The following GPN2 variants were observed in gnomAD, a reference collection of about 807,000 sequenced individuals.
GPN2 encodes ATP-binding domain 1 family member B.
In GPN2, 27 loss-of-function variants were observed where a neutral mutation model predicts 30.1. The observed-to-expected ratio is 0.90, with a 90% CI of 0.66 to 1.24. The LOEUF is 1.24. Among genes scored for constraint, GPN2 ranks in the 50% most tolerant of loss-of-function variants. GPN2 has a pLI of 0.00. For missense variants in GPN2, 406 were observed against 405.4 expected (o/e 1.00, Z -0.01); for synonymous variants, 212 against 174.4 (o/e 1.22, Z -1.70).
chr1:26,887,432 G>A (rs1236566507), intron 2 of GPN2, among the ~76,000 whole-genome samples: 1 of 152,078 alleles, frequency 6.6e-6, no homozygotes, highest in Non-Finnish European at 1.5e-5. Flanking sequence ...CCCTGGACAA[G>A]GTCCCGACAC....
chr1:26,886,135 TA>T lies in GPN2; in HGVS notation c.569-3del. ...CTGTGTAGTAGTCCAGGTTGAAGGC[TA>T]AAGAGAGAAACCAGTGTTCAGGAGC... On this transcript the variant is annotated splice_region_variant and splice_polypyrimidine_tract_variant and intron_variant, in intron 2 of 4. Coordinates refer to ENST00000374135, the MANE Select transcript of GPN2 (RefSeq NM_018066.4). 6.2e-7 allele frequency: 1 copy of T among 1,612,200 alleles called. No individual in the cohort carries two copies. The highest frequency in any genetic ancestry group is 2.2e-5 in the East Asian group (1 of 44,858).
At chr1:26,881,506 AC>A (rs1205055105) in intron 4 of GPN2, among the ~76,000 whole-genome samples, 2 of 152,246 alleles carry the variant, frequency 1.3e-5, no homozygotes, top group Non-Finnish European at 2.9e-5. Context: ...AACCATCTGT[AC>A]GGTGTACAAA....
At chr1:26,886,993 C>CAAA (rs11309173) in intron 2 of GPN2, among the ~76,000 whole-genome samples, 1 of 78,820 alleles carries the variant, frequency 1.3e-5, no homozygotes, top group Non-Finnish European at 2.4e-5. Flanking sequence ...AACTCTGTCT[C>CAAA]AAAAAAAAAA....
intron 4 of GPN2, among the ~76,000 whole-genome samples, chr1:26,881,651 T>C (rs2081865112): frequency 6.6e-6 from 1 of 152,234 alleles, no homozygotes; most frequent in African/African-American, 2.4e-5. Flanking sequence ...GAGGATCACT[T>C]GAGCCCAGGG....
Position 26,888,714 on chromosome 1 carries a change from C to T in GPN2, c.568+255G>A, listed in dbSNP as rs577956957. Among the ~76,000 whole-genome samples, 12 of 152,324 alleles carry T rather than the reference C, an allele frequency of 7.9e-5. No individual in the cohort carries two copies. In the South Asian group the frequency reaches 2.3e-3, roughly 29 times the overall value. On this transcript the variant is annotated intron_variant, in intron 2 of 4. Coordinates refer to ENST00000374135, the MANE Select transcript of GPN2 (RefSeq NM_018066.4). ...TTTACTCCAAAGCTCACTCACTTCA[C>T]TCCCAAATATTCACTGTCGTATCAC...
At chr1:26,885,900 C>T in intron 3 of GPN2, 73 bp downstream of exon 3, 1 of 1,217,424 alleles carries the variant, frequency 8.2e-7, no homozygotes, top group Admixed American at 1.8e-5. Flanking sequence ...TTCTTTAAGC[C>T]CTCAAAGCTT....
At chr1:26,880,642 A>AAG (rs1326841558) in intron 4 of GPN2, among the ~76,000 whole-genome samples, 3 of 152,052 alleles carry the variant, frequency 2.0e-5, no homozygotes, top group Non-Finnish European at 4.4e-5. Context: ...AAAAAAAAAA[A>AAG]AGAGAGAGAG....
intron 4 of GPN2, 65 bp downstream of exon 4, chr1:26,884,095 C>T (rs2081878232): frequency 7.2e-7 from 1 of 1,388,568 alleles, no homozygotes; most frequent in Non-Finnish European, 1.0e-6. Context: ...ACTGCACCTC[C>T]TGTGGCCATT....
At chr1:26,883,437 G>A (rs1201452965) in intron 4 of GPN2, among the ~76,000 whole-genome samples, 4 of 152,138 alleles carry the variant, frequency 2.6e-5, no homozygotes, top group African/African-American at 9.7e-5. Flanking sequence ...GAAGCCAAGG[G>A]ACCACCTTTG....
Position 26,890,283 on chromosome 1 carries a change from T to G in GPN2, c.-187A>C. 1 of 474,960 alleles carries G rather than the reference T, an allele frequency of 2.1e-6. No homozygotes were observed. 29.4% of individuals were successfully genotyped at this position (474,960 alleles called of 1,614,324 possible). On this transcript the variant is annotated 5_prime_UTR_variant, in exon 1 of 5. Coordinates refer to ENST00000374135, the MANE Select transcript of GPN2 (RefSeq NM_018066.4). ...GATAACAGGCCGATACTAACTAGAC[T>G]AACTCGACTTCCGGACAGCGTCGGA...
rs1179969433 is a variant in GPN2, at chr1:26,885,979, G to A, written c.723C>T (p.Asn241=). ...CCGTCTTAGCCCCTAGTACCTGGAT[G>A]TTGAGAGGGATAAAGGAGACAAGGC... ...DYSLVSFIPL[N]IQDKESIQRV... is the part of the protein sequence containing the mutation. The change falls in exon 3 of 5, where the codon AAC becomes AAT. Residue 241 remains asparagine (N), a synonymous_variant. Coordinates refer to ENST00000374135, the MANE Select transcript of GPN2 (RefSeq NM_018066.4). 1 of 1,610,948 alleles carries A rather than the reference G, an allele frequency of 6.2e-7. No homozygotes were observed. The highest frequency in any genetic ancestry group is 1.3e-5 in the African/African-American group (1 of 74,828).
Position 26,884,248 on chromosome 1 carries a change from C to T in GPN2, c.772G>A (p.Ala258Thr). Reference protein sequence around the residue: ...IQRVLQAVDKANGYCFRAQEQ... With the variant: ...IQRVLQAVDKTNGYCFRAQEQ... ...TGGGCTCTGAAACAGTATCCATTGGCTTTATCCACAGCCTGCAGGACTCGC... is the reference window on the plus strand; with the variant it reads ...TGGGCTCTGAAACAGTATCCATTGGTTTTATCCACAGCCTGCAGGACTCGC... Residue 258 changes from alanine (A) to threonine (T), a missense_variant, in exon 4 of 5, where the codon GCC becomes ACC. Physicochemically the swap from Ala to Thr is moderately conservative, Grantham distance 58 (BLOSUM62 0). Coordinates refer to ENST00000374135, the MANE Select transcript of GPN2 (RefSeq NM_018066.4). 1 of 1,613,952 alleles carries T rather than the reference C, an allele frequency of 6.2e-7. No homozygotes were observed. Among genetic ancestry groups the T allele is most frequent in the Non-Finnish European group, 8.5e-7 (1 of 1,179,912 alleles).
intron 2 of GPN2, 145 bp from the exon 3 acceptor site, chr1:26,886,278 AT>A (rs1371909319): frequency 3.5e-5 from 22 of 635,606 alleles, no homozygotes; most frequent in African/African-American, 2.8e-4. Context: ...GAAAAAAAGC[AT>A]TTGGTTTTAC....
chr1:26,881,551 A>T (rs981191984), intron 4 of GPN2, among the ~76,000 whole-genome samples: 17 of 152,216 alleles, frequency 1.1e-4, no homozygotes, highest in Admixed American at 3.3e-4. Flanking sequence ...CTCCCAGCCT[A>T]GGCTGTATGG....
At chr1:26,886,653 C>T (rs1403616272) in intron 2 of GPN2, 3 of 339,154 alleles carry the variant, frequency 8.8e-6, no homozygotes, top group African/African-American at 4.4e-5. Flanking sequence ...CCTGTTTCTA[C>T]TAAAAATACA....
Position 26,879,746 on chromosome 1 carries a change from T to C in GPN2, c.864A>G (p.Thr288=). The C allele has an allele frequency of 6.2e-7, 1 of 1,613,272 alleles. No homozygotes were observed. The highest frequency in any genetic ancestry group is 8.5e-7 in the Non-Finnish European group (1 of 1,179,386). The change falls in exon 5 of 5, where the codon ACA becomes ACG. Residue 288 remains threonine, a synonymous_variant. Transcript: ENST00000374135. ...AMGADFHFSS[T]LGIQEKYLAP... ...CCAGGTACTTCTCCTGGATGCCCAG[T>C]GTGCTGAGGAAGGGTGCGTCAAGGC...
Position 26,888,949 on chromosome 1 carries a change from C to A in GPN2, c.568+20G>T. 1.2e-6 allele frequency: 2 copies of A among 1,613,620 alleles called. No individual in the cohort carries two copies. The highest frequency in any genetic ancestry group is 1.7e-6 in the Non-Finnish European group (2 of 1,179,532). On this transcript the variant is annotated intron_variant, in intron 2 of 4. Coordinates refer to ENST00000374135, the MANE Select transcript of GPN2 (RefSeq NM_018066.4). ...AGCCCAGCTGCTGCCCTGCTCTTCGCCTGGAACAGAAGCTCTTACCCAGCT... is the reference window on the plus strand; with the variant it reads ...AGCCCAGCTGCTGCCCTGCTCTTCGACTGGAACAGAAGCTCTTACCCAGCT...
intron 2 of GPN2, 82 bp downstream of exon 2, chr1:26,888,887 A>AC (rs1413989062): frequency 1.4e-6 from 2 of 1,395,720 alleles, no homozygotes; most frequent in Admixed American, 3.4e-5. Context: ...AAGGCACCAG[A>AC]GGCAGCTACC....
At chr1:26,882,217 CAAAA>C (rs1159136555) in intron 4 of GPN2, among the ~76,000 whole-genome samples, 1 of 54,588 alleles carries the variant, frequency 1.8e-5, no homozygotes, top group Non-Finnish European at 3.9e-5. Flanking sequence ...CGGTCCGTCT[CAAAA>C]AAAAAAAAAA....
Sources: gnomAD v4.1 joint callset for allele counts (sites outside exome capture counted in the v4.1 genomes callset) on GRCh38, gnomAD v4.1.1 for gene constraint, MANE v1.5 for transcripts, NCBI Gene and HGNC (gene_info 2026-07-23, HGNC 2026-07-21) for gene names.